Variants in PUS7 observed in about 807,000 individuals in gnomAD.
PUS7 encodes the protein pseudouridylate synthase 7 homolog.
A neutral mutation model predicts 79.8 loss-of-function variants in PUS7; 48 were observed. The observed-to-expected ratio is 0.60, with a 90% CI of 0.48 to 0.76. The LOEUF (loss-of-function observed/expected upper bound fraction) is 0.76. PUS7 is among the 30% of genes least tolerant of loss of function. The probability of loss-of-function intolerance (pLI) is 0.00; values close to 1 mark genes in which losing one functional copy is unlikely to be tolerated. For synonymous variants in PUS7, 286 were observed against 272.2 expected (o/e 1.05, Z -0.50); for missense variants, 729 against 797.6 (o/e 0.91, Z 1.04).
At chr7:105,498,791 T>C (rs187923270) in intron 5 of PUS7, among the ~76,000 whole-genome samples, 1 of 152,164 alleles carries the variant, frequency 6.6e-6, no homozygotes, top group Non-Finnish European at 1.5e-5. Context: ...TTTTTGAAAA[T>C]ATATATTTTT....
chr7:105,460,877 T>G (rs985379640), intron 14 of PUS7, among the ~76,000 whole-genome samples: 1 of 83,940 alleles, frequency 1.2e-5, no homozygotes. Context: ...AAAAAAAAAA[T>G]TTGTTTTTGA....
intron 11 of PUS7, among the ~76,000 whole-genome samples, chr7:105,469,482 C>CATT (rs2133071598): frequency 6.6e-6 from 1 of 152,210 alleles, no homozygotes; most frequent in Non-Finnish European, 1.5e-5. Flanking sequence ...CATTTTGAGA[C>CATT]GGAGTCTCAC....
chr7:105,492,052 C>CAA (rs368940149), intron 6 of PUS7, among the ~76,000 whole-genome samples: 8,943 of 116,876 alleles, frequency 0.077, 485 homozygotes, highest in East Asian at 0.17. Flanking sequence ...GACTCCGTCT[C>CAA]AAAAAAAAAA....
At chr7:105,478,359 A>G (rs1407092360) in intron 9 of PUS7, among the ~76,000 whole-genome samples, 1 of 152,230 alleles carries the variant, frequency 6.6e-6, no homozygotes, top group Non-Finnish European at 1.5e-5. Flanking sequence ...CCTGGGTCAT[A>G]GGCTAACTTT....
chr7:105,474,867 T>C (rs186116628), intron 9 of PUS7, among the ~76,000 whole-genome samples: 14 of 152,272 alleles, frequency 9.2e-5, no homozygotes, highest in African/African-American at 3.4e-4. Context: ...CCTAATTCTG[T>C]AGTTTTATTG....
At chr7:105,462,531 T>C in intron 14 of PUS7, 90 bp downstream of exon 14, 1 of 1,367,086 alleles carries the variant, frequency 7.3e-7, no homozygotes, top group Admixed American at 2.2e-5. Flanking sequence ...CTGAAAATTC[T>C]TGTGCAGTAC....
At chr7:105,464,919 A>C (rs1264889694) in intron 13 of PUS7, among the ~76,000 whole-genome samples, 1 of 151,022 alleles carries the variant, frequency 6.6e-6, no homozygotes, top group African/African-American at 2.4e-5. Flanking sequence ...CCTGGGCTCA[A>C]GATATCCTTC....
chr7:105,482,476 A>G, intron 7 of PUS7, 36 bp from the exon 8 acceptor site: 8 of 1,551,862 alleles, frequency 5.2e-6, no homozygotes, highest in Non-Finnish European at 6.1e-6. Flanking sequence ...AAAACAAAAA[A>G]GAGTAGAAAG....
At position 105,505,965 on chromosome 7, in the gene PUS7, A is replaced by G; in HGVS notation, c.575T>C (p.Val192Ala). 1.2e-6 allele frequency: 2 copies of G among 1,610,268 alleles called. No homozygotes were observed. Among genetic ancestry groups the G allele is most frequent in the Non-Finnish European group, 1.7e-6 (2 of 1,178,794 alleles). ...LQLFKNKETS[V>A]AIEVIEDTKE... ...TTTTGCATTAGTTACCTCAATGGCA[A>G]CACTGGTTTCCTTATTTTTGAACAG... is the stretch of plus-strand genomic sequence containing the variant. The change falls in exon 4 of 16, where the codon GTT becomes GCT. Residue 192 changes from valine (V) to alanine (A), a missense_variant. Physicochemically the swap from Val to Ala is moderately conservative, Grantham distance 64. Coordinates refer to ENST00000469408, the MANE Select transcript of PUS7 (RefSeq NM_019042.5).
intron 9 of PUS7, 93 bp downstream of exon 9, chr7:105,480,959 G>A: frequency 2.1e-6 from 3 of 1,396,312 alleles, no homozygotes; most frequent in Non-Finnish European, 2.9e-6. Flanking sequence ...CCCAGACATG[G>A]GAGAACGTAG....
At chr7:105,473,278 CT>C (rs368385994) in intron 9 of PUS7, among the ~76,000 whole-genome samples, 1 of 152,202 alleles carries the variant, frequency 6.6e-6, no homozygotes, top group African/African-American at 2.4e-5. Context: ...TTGAGACAGT[CT>C]CCCTCTGTTG....
intron 1 of PUS7, among the ~76,000 whole-genome samples, chr7:105,512,183 A>T (rs569277721): frequency 1.1e-4 from 17 of 151,826 alleles, no homozygotes; most frequent in Admixed American, 5.3e-4. Flanking sequence ...ATCCTTTGAA[A>T]GACAAGAAAT....
rs368911733 is a variant in PUS7, at chr7:105,457,781, A to T, written c.*9T>A. On this transcript the variant is annotated 3_prime_UTR_variant, in exon 16 of 16. Transcript: ENST00000469408. ...GTGTACGTTTTCTAATCTGTGGACA[A>T]GGTACTGCTCAGCGAAGCCAGGTTG... is the stretch of plus-strand genomic sequence containing the variant. The T allele has an allele frequency of 6.2e-7, 1 of 1,613,156 alleles. No homozygotes were observed. The highest frequency in any genetic ancestry group is 8.5e-7 in the Non-Finnish European group (1 of 1,179,432).
intron 13 of PUS7, among the ~76,000 whole-genome samples, chr7:105,464,146 A>G (rs1394160487): frequency 1.3e-5 from 2 of 152,214 alleles, no homozygotes; most frequent in Admixed American, 1.3e-4. Flanking sequence ...TTTATGTTCT[A>G]ATTGGTACTG....
At chr7:105,505,012 T>C (rs1825397965) in intron 4 of PUS7, among the ~76,000 whole-genome samples, 1 of 150,528 alleles carries the variant, frequency 6.6e-6, no homozygotes, top group African/African-American at 2.4e-5. Flanking sequence ...AATTTTTTTT[T>C]TTTTTTGATA....
chr7:105,507,968 G>A (rs1164945019), intron 2 of PUS7, 147 bp downstream of exon 2: 1 of 1,064,630 alleles, frequency 9.4e-7, no homozygotes, highest in Non-Finnish European at 1.2e-6. Context: ...ATTTATTCAG[G>A]CAGGTTTCCT....
intron 13 of PUS7, among the ~76,000 whole-genome samples, chr7:105,463,200 T>C (rs1238060297): frequency 6.6e-6 from 1 of 152,232 alleles, no homozygotes; most frequent in Non-Finnish European, 1.5e-5. Context: ...GTAGAGTCTT[T>C]TTTATAGCAC....
intron 9 of PUS7, among the ~76,000 whole-genome samples, chr7:105,476,927 G>C (rs79432741): frequency 0.033 from 4,979 of 152,080 alleles, 110 homozygotes; most frequent in Admixed American, 0.056. Context: ...TTTTTGAATT[G>C]GTTTTTCTTT....
intron 9 of PUS7, 104 bp from the exon 10 acceptor site, chr7:105,472,297 G>A (rs1410613786): frequency 4.5e-6 from 3 of 669,886 alleles, no homozygotes; most frequent in African/African-American, 1.8e-5. Flanking sequence ...ATACACCGAA[G>A]CCTTGACCTC....
Sources: allele counts gnomAD v4.1 joint callset (sites outside exome capture counted in the v4.1 genomes callset), GRCh38; gene constraint gnomAD v4.1.1; transcripts MANE v1.5; gene names NCBI Gene and HGNC (gene_info 2026-07-23, HGNC 2026-07-21).